ZUP1: variants seen among roughly 807,000 people sequenced by gnomAD.
ZUP1 encodes the protein zinc finger containing ubiquitin peptidase 1.
In ZUP1, 55 loss-of-function variants were observed where a neutral mutation model predicts 68.1. That is an observed-to-expected ratio of 0.81 (90% CI 0.65 to 1.01). The LOEUF (loss-of-function observed/expected upper bound fraction) is 1.01. Ranked by LOEUF, ZUP1 falls within the 50% of genes least tolerant of loss-of-function variation. The probability of loss-of-function intolerance (pLI) is 0.00; values close to 1 mark genes in which losing one functional copy is unlikely to be tolerated. For missense variants in ZUP1, 684 were observed against 674.9 expected, an observed-to-expected ratio of 1.01 and a Z score of -0.15; for synonymous variants, 223 against 221.5, an observed-to-expected ratio of 1.01 and a Z score of -0.06.
Position 116,666,769 on chromosome 6 carries a change from T to C in ZUP1, c.424A>G (p.Ile142Val), listed in dbSNP as rs757033075. The C allele has an allele frequency of 1.2e-6, 2 of 1,613,930 alleles. No individual in the cohort carries two copies. Among genetic ancestry groups the C allele is most frequent in the South Asian group, 2.2e-5 (2 of 91,058 alleles). ...GTTGTTTCATAAACAGATCCTTTTA[T>C]TTCGGTCAGGCTGGACTGTTTTTCC... is the stretch of plus-strand genomic sequence containing the variant. ...SREKQSSLTE[I>V]KGSVYETTYS... is the part of the protein sequence containing the mutation. The change falls in exon 2 of 10, where the codon ATA (isoleucine) becomes GTA (valine). Residue 142 changes from isoleucine to valine, a missense_variant. Ile to Val is a conservative substitution (Grantham distance 29). Transcript: ENST00000368576.
intron 2 of ZUP1, 77 bp from the exon 3 acceptor site, chr6:116,660,923 A>T: frequency 6.3e-6 from 5 of 787,454 alleles, no homozygotes. Context: ...TTTTTGAGAC[A>T]GGGTCTCACT....
intron 7 of ZUP1, 55 bp downstream of exon 7, chr6:116,651,516 CA>C: frequency 6.9e-7 from 1 of 1,443,424 alleles, no homozygotes; most frequent in South Asian, 1.5e-5. Flanking sequence ...TAAAATTTTA[CA>C]AAACAAAGCT....
chr6:116,665,771 T>G (rs1177942277), intron 2 of ZUP1, among the ~76,000 whole-genome samples: 2 of 149,700 alleles, frequency 1.3e-5, no homozygotes, highest in Admixed American at 6.7e-5. Flanking sequence ...TTTTTTTTTT[T>G]GAAGAGACGA....
intron 9 of ZUP1, among the ~76,000 whole-genome samples, chr6:116,637,491 AT>A (rs1775939955): frequency 6.6e-6 from 1 of 152,200 alleles, no homozygotes; most frequent in Non-Finnish European, 1.5e-5. Context: ...CCAAGTTACG[AT>A]TCTTACAGTT....
chr6:116,645,283 T>C (rs774292176), intron 9 of ZUP1, among the ~76,000 whole-genome samples: 2 of 151,852 alleles, frequency 1.3e-5, no homozygotes, highest in Admixed American at 6.6e-5. Flanking sequence ...AATAAGGTGC[T>C]AAGGAATACA....
chr6:116,661,539 C>A lies in ZUP1; in HGVS notation c.560-693G>T, dbSNP rs1386185997. On this transcript the variant is annotated intron_variant, in intron 2 of 9. Coordinates refer to ENST00000368576, the MANE Select transcript of ZUP1 (RefSeq NM_145062.3). ...CATAAAGCTGGGAATTGGGGTAATA[C>A]TGTCTACACAGGAGCAGGAGATTAA... 3.3e-5 allele frequency among the ~76,000 whole-genome samples: 5 copies of A among 152,154 alleles called. No homozygotes were observed. The East Asian group carries it at 9.6e-4, about 29-fold the overall frequency.
chr6:116,659,110 C>T (rs1027939882), intron 3 of ZUP1, among the ~76,000 whole-genome samples, 186 bp from the exon 4 acceptor site: 2 of 152,098 alleles, frequency 1.3e-5, no homozygotes, highest in Non-Finnish European at 2.9e-5. Flanking sequence ...TAACCTCCAT[C>T]TAAATGACAA....
At chr6:116,641,086 C>G (rs1446736795) in intron 9 of ZUP1, among the ~76,000 whole-genome samples, 1 of 149,068 alleles carries the variant, frequency 6.7e-6, no homozygotes, top group Non-Finnish European at 1.5e-5. Flanking sequence ...TCAAAAGAGA[C>G]AAAGGAGGCC....
chr6:116,637,845 CA>C (rs1271741499), intron 9 of ZUP1, among the ~76,000 whole-genome samples: 1 of 152,070 alleles, frequency 6.6e-6, no homozygotes, highest in Non-Finnish European at 1.5e-5. Flanking sequence ...GGTGGATCAC[CA>C]GAAGTTGGGA....
Position 116,651,606 on chromosome 6 carries a change from C to A in ZUP1, c.1282G>T (p.Glu428Ter). Reference sequence around the variant, plus strand: ...AGGGAGGTCAGGAGTATATATACTTCACATGCTCCAATCCAGGCCTTTGTT... The same window carrying A: ...AGGGAGGTCAGGAGTATATATACTTAACATGCTCCAATCCAGGCCTTTGTT... ...QGTKAWIGAC[E>*]VYILLTSLRV... The change falls in exon 7 of 10, where the codon GAA becomes TAA. Residue 428 changes from glutamate to a stop codon, truncating the protein, a stop_gained. Transcript: ENST00000368576. LOFTEE classifies it high-confidence loss of function. 1 of 1,613,690 alleles carries A rather than the reference C, an allele frequency of 6.2e-7. No individual in the cohort carries two copies. Among genetic ancestry groups the A allele is most frequent in the Non-Finnish European group, 8.5e-7 (1 of 1,179,730 alleles).
intron 9 of ZUP1, among the ~76,000 whole-genome samples, chr6:116,644,471 A>C (rs1204784319): frequency 1.3e-5 from 2 of 152,244 alleles, no homozygotes; most frequent in Non-Finnish European, 1.5e-5. Context: ...TGGATTAAGA[A>C]AATGTGGCAC....
chr6:116,647,665 G>A, intron 7 of ZUP1, 55 bp from the exon 8 acceptor site: 13 of 1,345,162 alleles, frequency 9.7e-6, no homozygotes, highest in African/African-American at 2.9e-5. Flanking sequence ...TATTTTCATC[G>A]ATGGAGTTAT....
Position 116,638,862 on chromosome 6 carries a change from C to T in ZUP1, c.1690-2983G>A, listed in dbSNP as rs144914155. 1.3e-3 allele frequency among the ~76,000 whole-genome samples: 199 copies of T among 152,206 alleles called. 4 individuals carry two copies. In the East Asian group the frequency reaches 0.033, roughly 26 times the overall value. ...AGGACAGTGGGTGCAGCGCACCATG[C>T]GCCAGATGAAGCAGGGCGAGGCATT... On this transcript the variant is annotated intron_variant, in intron 9 of 9. Transcript: ENST00000368576.
intron 9 of ZUP1, among the ~76,000 whole-genome samples, chr6:116,636,982 A>G (rs1264371467): frequency 6.6e-6 from 1 of 152,220 alleles, no homozygotes; most frequent in East Asian, 1.9e-4. Flanking sequence ...TTCCTACAGT[A>G]TAAAGTACTG....
At position 116,656,861 on chromosome 6, in the gene ZUP1, C is replaced by T. The variant is rs1197338995; in HGVS notation, c.793-9G>A. 5.8e-6 allele frequency: 9 copies of T among 1,551,908 alleles called. No homozygotes were observed. Among genetic ancestry groups the T allele is most frequent in the Non-Finnish European group, 7.0e-6 (8 of 1,149,252 alleles). On this transcript the variant is annotated splice_polypyrimidine_tract_variant and intron_variant, in intron 4 of 9. Coordinates refer to ENST00000368576, the MANE Select transcript of ZUP1 (RefSeq NM_145062.3). ...TCTAAACCATATTGTCTCTATTGAA[C>T]ATAAAAATAAATGACTTAATTTTTA...
chr6:116,646,025 G>T, intron 8 of ZUP1, 91 bp from the exon 9 acceptor site: 1 of 871,486 alleles, frequency 1.1e-6, no homozygotes, highest in Non-Finnish European at 1.7e-6. Context: ...TCATATGTGT[G>T]TTTAGAATAT....
intron 7 of ZUP1, among the ~76,000 whole-genome samples, chr6:116,649,592 G>A (rs1776417450): frequency 6.6e-6 from 1 of 152,192 alleles, no homozygotes; most frequent in Non-Finnish European, 1.5e-5. Context: ...AGTTTGCTTA[G>A]AAGGCAAATC....
At chr6:116,656,068 CT>C (rs1267692661) in intron 5 of ZUP1, among the ~76,000 whole-genome samples, 1 of 130,716 alleles carries the variant, frequency 7.7e-6, no homozygotes, top group Non-Finnish European at 1.6e-5. Context: ...TTCCTTTTCA[CT>C]TTTTTTTGTT....
intron 2 of ZUP1, 122 bp from the exon 3 acceptor site, chr6:116,660,968 C>A: frequency 1.7e-6 from 1 of 575,868 alleles, no homozygotes; most frequent in Non-Finnish European, 3.0e-6. Flanking sequence ...GGCACCATCA[C>A]GGCTCACTGC....
Sources: gnomAD v4.1 joint callset for allele counts (sites outside exome capture counted in the v4.1 genomes callset) on GRCh38, gnomAD v4.1.1 for gene constraint, MANE v1.5 for transcripts, NCBI Gene and HGNC (gene_info 2026-07-23, HGNC 2026-07-21) for gene names.